Variants in SEC61G observed in about 807,000 individuals in gnomAD.
SEC61G encodes the protein protein transport protein Sec61 subunit gamma.
SEC61G carries 4 observed loss-of-function variants against 7.5 expected under a neutral mutation model. The ratio of observed to expected loss-of-function variants is 0.54; its 90% CI spans 0.26 to 1.22. The LOEUF (loss-of-function observed/expected upper bound fraction) is 1.22, where lower values mean the gene tolerates loss of function less well. Ranked by LOEUF, SEC61G falls within the 50% of genes most tolerant of loss-of-function variation. SEC61G has a pLI of 0.12. For synonymous variants in SEC61G, 24 were observed against 24.4 expected (o/e 0.98, Z 0.05); for missense variants, 53 against 84.6 (o/e 0.63, Z 1.46).
chr7:54,756,949 ATATATATACTATATAC>A (rs1459621631), intron 2 of SEC61G, among the ~76,000 whole-genome samples: 125 of 146,738 alleles, frequency 8.5e-4, no homozygotes, highest in Middle Eastern at 7.2e-3. Flanking sequence ...ATACTATACT[ATATATATACTATATAC>A]TATATATACT....
Position 54,757,439 on chromosome 7 carries a change from C to A in SEC61G, c.94+56G>T, listed in dbSNP as rs550574138. The A allele has an allele frequency of 5.7e-6, 8 of 1,413,404 alleles. No homozygotes were observed. In the East Asian group the frequency reaches 1.6e-4, roughly 28 times the overall value. 87.6% of individuals were successfully genotyped at this position (1,413,404 alleles called of 1,614,324 possible). A position where few individuals can be genotyped will look rare whatever the true frequency, so the allele number is the denominator to read the frequency against. Reference sequence around the variant, plus strand: ...GCTATTAATCAAGATGTTAATCAAACAAAAGGCTTAGAAAATGCAAAGATT... The same window carrying A: ...GCTATTAATCAAGATGTTAATCAAAAAAAAGGCTTAGAAAATGCAAAGATT... On this transcript the variant is annotated intron_variant, in intron 2 of 3. Coordinates refer to ENST00000352861, the MANE Select transcript of SEC61G (RefSeq NM_014302.4).
chr7:54,754,986 C>T (rs1317833164), intron 3 of SEC61G: 1 of 152,076 alleles, frequency 6.6e-6, no homozygotes, highest in Non-Finnish European at 1.5e-5. Context: ...TAAATGCATA[C>T]AAAATCACAA....
In SEC61G at chr7:54,759,182, C is replaced by T. The variant is rs776570442; in HGVS notation, c.-31G>A. 4 of 518,930 alleles carry T rather than the reference C, an allele frequency of 7.7e-6. No individual in the cohort carries two copies. The highest frequency in any genetic ancestry group is 1.5e-5 in the Non-Finnish European group (4 of 259,858). 32.1% of individuals were successfully genotyped at this position (518,930 alleles called of 1,614,324 possible). On this transcript the variant is annotated 5_prime_UTR_variant, in exon 1 of 4. Transcript: ENST00000352861. Reference sequence around the variant, plus strand: ...CCTACCCAACCGACACCTAAAATGCCAGGGACACGTAGCACTGGAGCTTGC... The same window carrying T: ...CCTACCCAACCGACACCTAAAATGCTAGGGACACGTAGCACTGGAGCTTGC...
chr7:54,752,521 C>A, intron 3 of SEC61G, 101 bp from the exon 4 acceptor site: 1 of 626,106 alleles, frequency 1.6e-6, no homozygotes, highest in South Asian at 3.1e-5. Flanking sequence ...GGCTCAAGAC[C>A]AATTATGTGA....
At chr7:54,752,816 G>C (rs1791440552) in intron 3 of SEC61G, among the ~76,000 whole-genome samples, 1 of 152,168 alleles carries the variant, frequency 6.6e-6, no homozygotes, top group Admixed American at 6.5e-5. Flanking sequence ...TGAGCACAAG[G>C]TACTCAAGCA....
intron 1 of SEC61G, 54 bp from the exon 2 acceptor site, chr7:54,757,648 T>G: frequency 7.1e-7 from 1 of 1,412,910 alleles, no homozygotes; most frequent in Non-Finnish European, 1.0e-6. Flanking sequence ...CAATAAGCAC[T>G]TGCTCATTTA....
intron 3 of SEC61G, chr7:54,755,168 A>G (rs939643621): frequency 6.6e-6 from 1 of 152,214 alleles, no homozygotes; most frequent in Admixed American, 6.5e-5. Context: ...GCCTCCTAAC[A>G]TACTTAAAAG....
intron 3 of SEC61G, among the ~76,000 whole-genome samples, chr7:54,753,174 TC>T (rs1393927605): frequency 6.6e-6 from 1 of 151,922 alleles, no homozygotes; most frequent in Non-Finnish European, 1.5e-5. Context: ...GCAACTGTAG[TC>T]CCAGCTACTC....
intron 1 of SEC61G, 70 bp downstream of exon 1, chr7:54,759,088 C>T: frequency 2.2e-6 from 1 of 461,820 alleles, no homozygotes; most frequent in South Asian, 1.5e-5. Context: ...CGCCCACGCC[C>T]GCTGCCCCCA....
Position 54,755,782 on chromosome 7 carries a change from A to T in SEC61G, c.194T>A (p.Ile65Asn), listed in dbSNP as rs1167810161. ...CTATTTCATAAAGTTTACTTACACAATGATGTTATTAATAGGAATATGGAT... is the reference window on the plus strand; with the variant it reads ...CTATTTCATAAAGTTTACTTACACATTGATGTTATTAATAGGAATATGGAT... ...KLIHIPINNI[I>N]VGG is the part of the protein sequence containing the mutation. Residue 65 changes from isoleucine (I) to asparagine (N), a missense_variant, in exon 3 of 4, where the codon ATT becomes AAT. Transcript: ENST00000352861. 6 of 1,507,852 alleles carry T rather than the reference A, an allele frequency of 4.0e-6. No individual in the cohort carries two copies. Among genetic ancestry groups the T allele is most frequent in the Non-Finnish European group, 5.5e-6 (6 of 1,097,830 alleles). The allele number at this position is 1,507,852 out of a possible 1,614,324, so 93.4% of individuals were successfully genotyped here.
rs767379489 is a variant in SEC61G, at chr7:54,757,600, T to G, written c.-6-6A>C. 1 of 1,611,750 alleles carries G rather than the reference T, an allele frequency of 6.2e-7. No homozygotes were observed. Among genetic ancestry groups the G allele is most frequent in the Non-Finnish European group, 8.5e-7 (1 of 1,178,380 alleles). ...ATTACCTGATCCATGACTGCCTGTTTAAAACAAAAAAGATACTCACTGGTA... is the reference window on the plus strand; with the variant it reads ...ATTACCTGATCCATGACTGCCTGTTGAAAACAAAAAAGATACTCACTGGTA... On this transcript the variant is annotated splice_region_variant and splice_polypyrimidine_tract_variant and intron_variant, in intron 1 of 3. Transcript: ENST00000352861.
intron 3 of SEC61G, chr7:54,755,193 T>A (rs1449365873): frequency 6.6e-6 from 1 of 152,224 alleles, no homozygotes; most frequent in Non-Finnish European, 1.5e-5. Flanking sequence ...GATATTCTCC[T>A]ATCAGTATCA....
intron 1 of SEC61G, chr7:54,758,924 G>A (rs1791578201): frequency 3.5e-6 from 1 of 288,022 alleles, no homozygotes; most frequent in Non-Finnish European, 6.8e-6. Flanking sequence ...GAGCCCCGCG[G>A]GCCGGCCACC....
At chr7:54,757,646 AC>A in intron 1 of SEC61G, 52 bp from the exon 2 acceptor site, 1 of 1,434,762 alleles carries the variant, frequency 7.0e-7, no homozygotes, top group Non-Finnish European at 9.8e-7. Flanking sequence ...TACAATAAGC[AC>A]TTGCTCATTT....
chr7:54,755,668 C>T lies in SEC61G; in HGVS notation c.197+111G>A, dbSNP rs538857558. The T allele has an allele frequency of 4.7e-5, 24 of 512,686 alleles. 2 individuals are homozygous for T. The highest frequency in any genetic ancestry group is 3.3e-4 in the Middle Eastern group (1 of 3,036). 31.8% of individuals were successfully genotyped at this position (512,686 alleles called of 1,614,324 possible). On this transcript the variant is annotated intron_variant, in intron 3 of 3. Coordinates refer to ENST00000352861, the MANE Select transcript of SEC61G (RefSeq NM_014302.4). The stretch of plus-strand genomic sequence containing the variant: ...ACTCGTAAATATCAGTAGACTCCAA[C>T]AGCACTAAAAAGTCAAGAGATGCAT...
At chr7:54,756,228 G>GT (rs1489520095) in intron 2 of SEC61G, among the ~76,000 whole-genome samples, 1 of 151,930 alleles carries the variant, frequency 6.6e-6, no homozygotes, top group African/African-American at 2.4e-5. Context: ...TTTTTCTTAA[G>GT]TTTTAAAATG....
intron 2 of SEC61G, among the ~76,000 whole-genome samples, chr7:54,756,938 T>C (rs1448307257): frequency 6.8e-6 from 1 of 147,896 alleles, no homozygotes; most frequent in Non-Finnish European, 1.5e-5. Flanking sequence ...TTATATACTA[T>C]ATACTATACT....
intron 1 of SEC61G, among the ~76,000 whole-genome samples, 185 bp from the exon 2 acceptor site, chr7:54,757,779 A>C (rs749709399): frequency 9.9e-5 from 15 of 152,258 alleles, no homozygotes; most frequent in Non-Finnish European, 1.5e-4. Flanking sequence ...TGGAAATTTC[A>C]GTTAATTATC....
intron 1 of SEC61G, chr7:54,758,916 G>A (rs1409744957): frequency 3.5e-6 from 1 of 288,984 alleles, no homozygotes; most frequent in Non-Finnish European, 6.8e-6. Flanking sequence ...AAGCCCTGGA[G>A]CCCCGCGGGC....
Sources: gnomAD v4.1 joint callset for allele counts (sites outside exome capture counted in the v4.1 genomes callset) on GRCh38, gnomAD v4.1.1 for gene constraint, MANE v1.5 for transcripts, NCBI Gene and HGNC (gene_info 2026-07-23, HGNC 2026-07-21) for gene names.